STX8: variants seen among roughly 807,000 people sequenced by gnomAD.
STX8 encodes the protein syntaxin 8.
STX8 carries 23 observed loss-of-function variants against 37.5 expected under a neutral mutation model. That is an observed-to-expected ratio of 0.61 (90% CI 0.44 to 0.87). The LOEUF is 0.87. Among genes scored for constraint, STX8 ranks in the 40% least tolerant of loss-of-function variants. The pLI, the probability that STX8 is intolerant of heterozygous loss-of-function variation, is 0.00. For missense variants in STX8, 313 were observed against 284.7 expected (o/e 1.10, Z -0.71); for synonymous variants, 115 against 99.1 (o/e 1.16, Z -0.95).
At chr17:9,284,657 AT>A (rs1381564110) in intron 7 of STX8, among the ~76,000 whole-genome samples, 2 of 152,232 alleles carry the variant, frequency 1.3e-5, no homozygotes, top group Admixed American at 1.3e-4. Context: ...CAAATGAAAC[AT>A]ACTTTTTGAA....
chr17:9,268,741 C>T (rs183068131), intron 7 of STX8, among the ~76,000 whole-genome samples: 319 of 152,296 alleles, frequency 2.1e-3, no homozygotes, highest in Admixed American at 5.6e-3. Context: ...AGCTCTGAGA[C>T]ACAGACCTGC....
At chr17:9,411,931 T>C (rs1912993732) in intron 6 of STX8, among the ~76,000 whole-genome samples, 1 of 152,196 alleles carries the variant, frequency 6.6e-6, no homozygotes, top group African/African-American at 2.4e-5. Context: ...ATGGGATGCA[T>C]GATCTAAAAA....
intron 6 of STX8, among the ~76,000 whole-genome samples, chr17:9,379,418 A>T (rs1218529144): frequency 6.6e-6 from 1 of 152,186 alleles, no homozygotes; most frequent in Non-Finnish European, 1.5e-5. Context: ...AAATACGTGG[A>T]TTAGATAACA....
At chr17:9,291,276 G>T (rs921883723) in intron 7 of STX8, among the ~76,000 whole-genome samples, 1 of 151,912 alleles carries the variant, frequency 6.6e-6, no homozygotes, top group Non-Finnish European at 1.5e-5. Flanking sequence ...GAAACCTCGT[G>T]TCCACTAAAA....
At chr17:9,361,054 A>C (rs1911045000) in intron 7 of STX8, among the ~76,000 whole-genome samples, 1 of 152,150 alleles carries the variant, frequency 6.6e-6, no homozygotes, top group Non-Finnish European at 1.5e-5. Context: ...ACCCCAAATC[A>C]ATTATTCTAA....
chr17:9,533,853 T>C (rs1366583051), intron 4 of STX8, among the ~76,000 whole-genome samples: 1 of 152,146 alleles, frequency 6.6e-6, no homozygotes, highest in Admixed American at 6.6e-5. Context: ...TATCAGAACC[T>C]CAATTTTGTT....
At chr17:9,260,382 G>T (rs1906967587) in intron 7 of STX8, among the ~76,000 whole-genome samples, 1 of 152,156 alleles carries the variant, frequency 6.6e-6, no homozygotes, top group South Asian at 2.1e-4. Flanking sequence ...CCAGCAATTT[G>T]GGAGGCCAAG....
chr17:9,470,325 C>T (rs541117958), intron 6 of STX8, among the ~76,000 whole-genome samples: 4 of 152,318 alleles, frequency 2.6e-5, no homozygotes, highest in East Asian at 1.9e-4. Flanking sequence ...CTCTTTCTTA[C>T]GCTGTCTTTC....
chr17:9,401,221 G>C (rs1339939566), intron 6 of STX8, among the ~76,000 whole-genome samples: 2 of 152,170 alleles, frequency 1.3e-5, no homozygotes, highest in Non-Finnish European at 2.9e-5. Context: ...AGAAAGTCTA[G>C]AATGCTATTT....
chr17:9,376,669 G>A (rs754250513), intron 7 of STX8, among the ~76,000 whole-genome samples: 12 of 152,176 alleles, frequency 7.9e-5, no homozygotes, highest in African/African-American at 2.2e-4. Context: ...CAGTAACACC[G>A]GCTGCAACGG....
At chr17:9,498,617 T>C (rs756411567) in intron 5 of STX8, among the ~76,000 whole-genome samples, 2 of 152,128 alleles carry the variant, frequency 1.3e-5, no homozygotes, top group Non-Finnish European at 2.9e-5. Flanking sequence ...CTACTAAGAT[T>C]CCCCAGTGTG....
chr17:9,307,132 T>A (rs1007914486), intron 7 of STX8, among the ~76,000 whole-genome samples: 2 of 152,028 alleles, frequency 1.3e-5, no homozygotes, highest in Non-Finnish European at 2.9e-5. Flanking sequence ...AAAAAATAAA[T>A]AAATAAAGTA....
intron 7 of STX8, among the ~76,000 whole-genome samples, chr17:9,253,968 C>A (rs1337050992): frequency 1.3e-5 from 2 of 152,180 alleles, no homozygotes; most frequent in African/African-American, 2.4e-5. Context: ...TCACTGCCAT[C>A]CCTGATTTGG....
chr17:9,309,243 A>G (rs183827505), intron 7 of STX8, among the ~76,000 whole-genome samples: 2 of 152,192 alleles, frequency 1.3e-5, no homozygotes, highest in Non-Finnish European at 2.9e-5. Flanking sequence ...TCCACGAAGC[A>G]AACATTTTTG....
intron 7 of STX8, among the ~76,000 whole-genome samples, chr17:9,371,149 T>C (rs542534177): frequency 1.3e-5 from 2 of 152,260 alleles, no homozygotes; most frequent in South Asian, 4.2e-4. Flanking sequence ...CAGTCTGTAT[T>C]CATAACTAGA....
intron 4 of STX8, among the ~76,000 whole-genome samples, chr17:9,511,124 T>C (rs1905007244): frequency 6.6e-6 from 1 of 152,186 alleles, no homozygotes; most frequent in African/African-American, 2.4e-5. Flanking sequence ...TAATATAATC[T>C]GCCAACAAAG....
intron 7 of STX8, among the ~76,000 whole-genome samples, chr17:9,258,982 C>A (rs952453862): frequency 2.0e-5 from 3 of 152,250 alleles, no homozygotes; most frequent in Admixed American, 6.5e-5. Flanking sequence ...GGCCATTGCT[C>A]TTAAATGACT....
chr17:9,549,359 A>G (rs1278984903), intron 3 of STX8, among the ~76,000 whole-genome samples: 1 of 152,216 alleles, frequency 6.6e-6, no homozygotes, highest in Non-Finnish European at 1.5e-5. Context: ...ATGAGTAACC[A>G]AAGAACAGAA....
chr17:9,371,996 T>C (rs750506299), intron 7 of STX8, among the ~76,000 whole-genome samples: 3 of 152,260 alleles, frequency 2.0e-5, no homozygotes, highest in Non-Finnish European at 4.4e-5. Flanking sequence ...TCATTGCCCT[T>C]AGAAATTTAT....
Sources: gnomAD v4.1 joint callset for allele counts (sites outside exome capture counted in the v4.1 genomes callset) on GRCh38, gnomAD v4.1.1 for gene constraint, MANE v1.5 for transcripts, NCBI Gene and HGNC (gene_info 2026-07-23, HGNC 2026-07-21) for gene names.